The following CYP2W1 variants were observed in gnomAD, a reference collection of about 807,000 sequenced individuals.
The protein encoded by CYP2W1 is cytochrome P450 family 2 subfamily W member 1.
CYP2W1 carries 51 observed loss-of-function variants against 44.9 expected under a neutral mutation model. That is an observed-to-expected ratio of 1.14 (90% CI 0.91 to 1.43). The LOEUF is 1.43. CYP2W1 is among the 40% of genes most tolerant of loss of function. CYP2W1 has a pLI of 0.00. For synonymous variants in CYP2W1, 383 were observed against 338.3 expected, an observed-to-expected ratio of 1.13 and a Z score of -1.45; for missense variants, 746 against 700.0, an observed-to-expected ratio of 1.07 and a Z score of -0.74.
chr7:989,090 C>G lies in CYP2W1; in HGVS notation c.*268C>G. 1 of 444,126 alleles carries G rather than the reference C, an allele frequency of 2.3e-6. No homozygotes were observed. Among genetic ancestry groups the G allele is most frequent in the South Asian group, 6.4e-5 (1 of 15,560 alleles). 27.5% of individuals were successfully genotyped at this position (444,126 alleles called of 1,614,324 possible). A position where few individuals can be genotyped will look rare whatever the true frequency, so the allele number is the denominator to read the frequency against. On this transcript the variant is annotated 3_prime_UTR_variant, in exon 9 of 9. Transcript: ENST00000308919. The stretch of plus-strand genomic sequence containing the variant: ...GAGCGCCTCCAGGGCCCCGCCCACT[C>G]TCCCACCCCTGAAGCTGCACTCCCA...
At chr7:986,961 T>C in intron 5 of CYP2W1, 146 bp from the exon 6 acceptor site, 1 of 1,318,310 alleles carries the variant, frequency 7.6e-7, no homozygotes, top group Non-Finnish European at 1.0e-6. Flanking sequence ...AAACGGGGCA[T>C]CCATAGTGCC....
intron 4 of CYP2W1, 42 bp from the exon 5 acceptor site, chr7:986,582 G>C (rs1039983238): frequency 1.2e-6 from 2 of 1,603,916 alleles, no homozygotes; most frequent in Admixed American, 1.7e-5. Context: ...GTGCAGCCCT[G>C]GGGCTGCGTC....
chr7:984,964 T>C lies in CYP2W1; in HGVS notation c.352T>C (p.Ser118Pro), dbSNP rs747236558. The change falls in exon 3 of 9, where the codon TCT becomes CCT. Residue 118 changes from serine (S) to proline (P), a missense_variant. Physicochemically the swap from Ser to Pro is moderately conservative, Grantham distance 74. Transcript: ENST00000308919. The part of the protein sequence containing the change: ...IQRGGGIFFS[S>P]GARWRAARQF... ...TCTGCCTACAGGCATCTTCTTCTCA[T>C]CTGGGGCGCGCTGGAGGGCTGCCCG... 1 of 1,604,066 alleles carries C rather than the reference T, an allele frequency of 6.2e-7. No individual in the cohort carries two copies.
rs200051950 is a variant in CYP2W1 at position 988,813 on chromosome 7, C to T, written c.1464C>T (p.Pro488=). The part of the protein sequence containing the change: ...RPRAQALCAV[P]RP ...GGGCCCAGGCCCTGTGTGCGGTGCCCAGGCCCTAGGAGCTCCCCCAGCCCC... is the reference window on the plus strand; with the variant it reads ...GGGCCCAGGCCCTGTGTGCGGTGCCTAGGCCCTAGGAGCTCCCCCAGCCCC... The change falls in exon 9 of 9, where the codon CCC becomes CCT. Residue 488 remains proline, a synonymous_variant. Transcript: ENST00000308919. The T allele has an allele frequency of 3.2e-6, 5 of 1,571,706 alleles. No homozygotes were observed. The East Asian group carries it at 1.1e-4, about 36-fold the overall frequency.
intron 1 of CYP2W1, 23 bp from the exon 2 acceptor site, chr7:984,389 G>T (rs1848162836): frequency 1.3e-6 from 2 of 1,543,756 alleles, no homozygotes; most frequent in African/African-American, 1.4e-5. Flanking sequence ...GGCTGCCCGG[G>T]TGACCCCCGC....
At chr7:988,002 G>GGGGGGTCCCCTCTGTGTCCT in intron 7 of CYP2W1, among the ~76,000 whole-genome samples, 1 of 97,896 alleles carries the variant, frequency 1.0e-5, no homozygotes, top group Non-Finnish European at 2.2e-5. Context: ...TGTGTGTCCT[G>GGGGGGTCCCCTCTGTGTCCT]GGGGGTCCCC....
At chr7:985,435 C>T in intron 4 of CYP2W1, 112 bp downstream of exon 4, 4 of 1,236,358 alleles carry the variant, frequency 3.2e-6, no homozygotes, top group Non-Finnish European at 4.4e-6. Context: ...GCCCTCCCAC[C>T]TTGCAAAAGG....
Position 987,342 on chromosome 7 carries a change from C to T in CYP2W1, c.959-5C>T. 4 of 1,572,352 alleles carry T rather than the reference C, an allele frequency of 2.5e-6. No individual in the cohort carries two copies. The highest frequency in any genetic ancestry group is 3.4e-6 in the Non-Finnish European group (4 of 1,162,114). ...GCCACCCAAGCGGCCCACCCTTTGCCCCAGGCCGGGTGCAGGAGGAGCTAG... is the reference window on the plus strand; with the variant it reads ...GCCACCCAAGCGGCCCACCCTTTGCTCCAGGCCGGGTGCAGGAGGAGCTAG... On this transcript the variant is annotated splice_polypyrimidine_tract_variant and splice_region_variant and intron_variant, in intron 6 of 8. Transcript: ENST00000308919.
chr7:986,885 G>A (rs373163361), intron 5 of CYP2W1, 88 bp downstream of exon 5: 13 of 1,384,960 alleles, frequency 9.4e-6, no homozygotes, highest in East Asian at 5.1e-5. Context: ...GGTCCATACC[G>A]GTCCTGCACC....
chr7:988,964 C>T lies in CYP2W1; in HGVS notation c.*142C>T, dbSNP rs553159711. 1,416 of 596,802 alleles carry T rather than the reference C, an allele frequency of 2.4e-3. No homozygotes were observed. The highest frequency in any genetic ancestry group is 3.6e-3 in the Non-Finnish European group (1,242 of 341,916). The allele number at this position is 596,802 out of a possible 1,614,324, so 37.0% of individuals were successfully genotyped here. ...ACCCTCACCCCCACCCCCACAGGGT[C>T]AGCAACTGCTTCCGGTTACACCCAG... On this transcript the variant is annotated 3_prime_UTR_variant, in exon 9 of 9. Transcript: ENST00000308919.
rs199680587 is a variant in CYP2W1, at chr7:987,440, T to G, written c.1052T>G (p.Leu351Arg). 8.8e-5 allele frequency: 140 copies of G among 1,588,208 alleles called. 1 individual carries two copies. The Admixed American group carries it at 2.3e-3, about 27-fold the overall frequency. ...GCTCTGCCCTACACAAGCGCCGTGC[T>G]CCACGAGGTGCAGCGGTTCATCACG... ...QQALPYTSAV[L>R]HEVQRFITLL... The change falls in exon 7 of 9, where the codon CTC (leucine) becomes CGC (arginine). Residue 351 changes from leucine to arginine, a missense_variant. Physicochemically the swap from Leu to Arg is moderately radical, Grantham distance 102. Transcript: ENST00000308919.
rs770573282 is a variant in CYP2W1, at chr7:987,291, G to T, written c.958+46G>T. On this transcript the variant is annotated intron_variant, in intron 6 of 8. Transcript: ENST00000308919. ...GAGACGGCTCCTTCTGCCCCCGGGG[G>T]ACCCCCAGGGACGAGGGATGGCGCT... 3.3e-6 allele frequency: 5 copies of T among 1,509,850 alleles called. No individual in the cohort carries two copies. The East Asian group carries it at 1.2e-4, about 37-fold the overall frequency. The allele number at this position is 1,509,850 out of a possible 1,614,324, so 93.5% of individuals were successfully genotyped here. A position where few individuals can be genotyped will look rare whatever the true frequency, so the allele number is the denominator to read the frequency against.
Position 983,432 on chromosome 7 carries a change from T to A in CYP2W1, c.174+47T>A. ...GCTCTTGCCGCTTGGACAGCTGCCG[T>A]GTCCTGGCCCCCCTCCTGGGGAAGC... is the stretch of plus-strand genomic sequence containing the variant. On this transcript the variant is annotated intron_variant, in intron 1 of 8. Transcript: ENST00000308919. The A allele has an allele frequency of 2.9e-6, 4 of 1,383,728 alleles. No individual in the cohort carries two copies. In the East Asian group the frequency reaches 1.2e-4, roughly 40 times the overall value. 85.7% of individuals were successfully genotyped at this position (1,383,728 alleles called of 1,614,324 possible).
chr7:983,960 G>A (rs956526915), intron 1 of CYP2W1, among the ~76,000 whole-genome samples: 1 of 152,150 alleles, frequency 6.6e-6, no homozygotes, highest in Non-Finnish European at 1.5e-5. Flanking sequence ...AGTCAGGCCC[G>A]GGCCCTGCCT....
chr7:988,229 C>T (rs1217283084), intron 7 of CYP2W1, 48 bp from the exon 8 acceptor site: 2 of 1,535,120 alleles, frequency 1.3e-6, no homozygotes, highest in African/African-American at 1.4e-5. Context: ...CAGGCCCCAT[C>T]CCATCTTCCC....
chr7:986,793 G>A lies in CYP2W1; in HGVS notation c.815G>A (p.Gly272Glu), dbSNP rs769076234. 1 of 1,564,128 alleles carries A rather than the reference G, an allele frequency of 6.4e-7. No individual in the cohort carries two copies. The highest frequency in any genetic ancestry group is 8.7e-7 in the Non-Finnish European group (1 of 1,154,348). The change falls in exon 5 of 9, where the codon GGA becomes GAA. Residue 272 changes from glycine (G) to glutamate (E), a missense_variant. Physicochemically the swap from Gly to Glu is moderately conservative, Grantham distance 98. Coordinates refer to ENST00000308919, the MANE Select transcript of CYP2W1 (RefSeq NM_017781.3). ...CSYVDALIQQGQGDDPEGLFA... is the reference protein window; with the variant it reads ...CSYVDALIQQEQGDDPEGLFA... ...TATGTGGACGCCCTGATCCAGCAGG[G>A]ACAGGTGTGTCGGGACCCAAGACCT... is the stretch of plus-strand genomic sequence containing the variant.
chr7:987,465 G>T lies in CYP2W1; in HGVS notation c.1077G>T (p.Thr359=). The part of the protein sequence containing the change: ...AVLHEVQRFI[T]LLPHVPRCTA... ...TCCACGAGGTGCAGCGGTTCATCAC[G>T]CTCCTGCCGCACGTGCCCCGCTGCA... The change falls in exon 7 of 9, where the codon ACG becomes ACT. Residue 359 remains threonine, a synonymous_variant. Coordinates refer to ENST00000308919, the MANE Select transcript of CYP2W1 (RefSeq NM_017781.3). 6.4e-7 allele frequency: 1 copy of T among 1,564,506 alleles called. No individual in the cohort carries two copies. Among genetic ancestry groups the T allele is most frequent in the Non-Finnish European group, 8.6e-7 (1 of 1,163,396 alleles).
At chr7:987,285 C>T in intron 6 of CYP2W1, 40 bp downstream of exon 6, 1 of 1,507,452 alleles carries the variant, frequency 6.6e-7, no homozygotes, top group African/African-American at 1.4e-5. Context: ...CCTTCTGCCC[C>T]CGGGGGACCC....
intron 1 of CYP2W1, among the ~76,000 whole-genome samples, chr7:983,749 C>G (rs1307941097): frequency 6.6e-6 from 1 of 152,244 alleles, no homozygotes; most frequent in East Asian, 1.9e-4. Flanking sequence ...CTCAGCCCCC[C>G]TCGGCCCTCA....
Sources: gnomAD v4.1 joint callset for allele counts (sites outside exome capture counted in the v4.1 genomes callset) on GRCh38, gnomAD v4.1.1 for gene constraint, MANE v1.5 for transcripts, NCBI Gene and HGNC (gene_info 2026-07-23, HGNC 2026-07-21) for gene names.